Variants in DCDC1 observed in about 807,000 individuals in gnomAD.
DCDC1 encodes the protein doublecortin domain-containing protein 1.
DCDC1 carries 200 observed loss-of-function variants against 178.3 expected under a neutral mutation model. The observed-to-expected ratio is 1.12, with a 90% confidence interval of 1.00 to 1.26. DCDC1 has a LOEUF of 1.26. Ranked by LOEUF, DCDC1 falls within the 50% of genes most tolerant of loss-of-function variation. DCDC1 has a pLI of 0.00. For synonymous variants in DCDC1, 690 were observed against 604.8 expected (o/e 1.14, Z -2.07); for missense variants, 1,983 against 1,749.2 (o/e 1.13, Z -2.38).
intron 9 of DCDC1, among the ~76,000 whole-genome samples, chr11:31,228,474 T>A (rs1975303648): frequency 6.6e-6 from 1 of 152,002 alleles, no homozygotes; most frequent in African/African-American, 2.4e-5. Flanking sequence ...AAGGTCTAAA[T>A]CAATTATCTA....
At chr11:31,365,925 C>G (rs1156772554) in intron 1 of DCDC1, among the ~76,000 whole-genome samples, 2 of 152,128 alleles carry the variant, frequency 1.3e-5, no homozygotes, top group Admixed American at 1.3e-4. Context: ...GTCATTTGCT[C>G]TCTTTGGAAA....
chr11:31,348,609 TA>T (rs1950924426), intron 1 of DCDC1, among the ~76,000 whole-genome samples: 1 of 152,156 alleles, frequency 6.6e-6, no homozygotes, highest in African/African-American at 2.4e-5. Context: ...GGCATCCCCA[TA>T]CCACAGTGGA....
At chr11:31,097,409 T>G (rs1475815913) in intron 15 of DCDC1, among the ~76,000 whole-genome samples, 1 of 152,252 alleles carries the variant, frequency 6.6e-6, no homozygotes, top group East Asian at 1.9e-4. Flanking sequence ...AAAGAAATTT[T>G]ACATGATGTT....
intron 9 of DCDC1, among the ~76,000 whole-genome samples, chr11:31,213,291 T>C (rs1330793416): frequency 1.3e-5 from 2 of 151,720 alleles, no homozygotes; most frequent in Admixed American, 6.6e-5. Flanking sequence ...AAATGATCTT[T>C]TCAAATTTAG....
chr11:31,304,646 T>G (rs1225029628), intron 6 of DCDC1, among the ~76,000 whole-genome samples: 1 of 152,066 alleles, frequency 6.6e-6, no homozygotes. Flanking sequence ...AGAAGGGAGA[T>G]TTTTATCACC....
chr11:30,901,951 C>T (rs985583632), intron 32 of DCDC1, among the ~76,000 whole-genome samples: 1 of 151,776 alleles, frequency 6.6e-6, no homozygotes, highest in African/African-American at 2.4e-5. Context: ...TATATATGTG[C>T]GTGTGTGTAT....
intron 20 of DCDC1, among the ~76,000 whole-genome samples, chr11:30,981,533 T>C (rs1487732874): frequency 5.9e-5 from 9 of 152,208 alleles, no homozygotes; most frequent in Admixed American, 5.9e-4. Flanking sequence ...AATTTATATT[T>C]AATCTCAAAA....
At chr11:31,017,585 T>G (rs538834442) in intron 20 of DCDC1, among the ~76,000 whole-genome samples, 1 of 151,982 alleles carries the variant, frequency 6.6e-6, no homozygotes, top group Non-Finnish European at 1.5e-5. Flanking sequence ...ACTAAGTTAT[T>G]AATTTTTTTT....
chr11:31,323,016 G>A (rs893760961), intron 3 of DCDC1, among the ~76,000 whole-genome samples: 2 of 152,146 alleles, frequency 1.3e-5, no homozygotes, highest in East Asian at 3.9e-4. Context: ...TCAAAATAAG[G>A]TAAAATATAA....
intron 9 of DCDC1, among the ~76,000 whole-genome samples, chr11:31,206,910 T>G (rs1009316040): frequency 2.6e-5 from 4 of 152,230 alleles, no homozygotes; most frequent in Non-Finnish European, 4.4e-5. Flanking sequence ...GGTAATTTCA[T>G]AAAACATTAT....
intron 26 of DCDC1, 103 bp downstream of exon 26, chr11:30,916,767 A>C: frequency 8.1e-7 from 1 of 1,229,812 alleles, no homozygotes; most frequent in Non-Finnish European, 1.1e-6. Context: ...TGATAGAAAC[A>C]GCAGCTAACA....
At chr11:31,283,480 T>C (rs1248888494) in intron 7 of DCDC1, among the ~76,000 whole-genome samples, 2 of 152,160 alleles carry the variant, frequency 1.3e-5, no homozygotes, top group Non-Finnish European at 2.9e-5. Context: ...ATTCATGTTT[T>C]TTTTTAATAC....
intron 20 of DCDC1, among the ~76,000 whole-genome samples, chr11:31,023,959 T>C (rs1452285508): frequency 2.6e-5 from 4 of 152,022 alleles, no homozygotes; most frequent in Admixed American, 2.6e-4. Context: ...ATATTACCAA[T>C]TGTACCTAAA....
intron 9 of DCDC1, among the ~76,000 whole-genome samples, chr11:31,228,697 A>G (rs1378926982): frequency 6.6e-6 from 1 of 152,136 alleles, no homozygotes; most frequent in Non-Finnish European, 1.5e-5. Flanking sequence ...GAAATTGCCA[A>G]TATAAGGAAT....
chr11:31,172,972 G>A (rs1967448799), intron 9 of DCDC1, among the ~76,000 whole-genome samples: 1 of 152,084 alleles, frequency 6.6e-6, no homozygotes, highest in Non-Finnish European at 1.5e-5. Context: ...AAGAAATGAT[G>A]CACATATAAA....
intron 25 of DCDC1, among the ~76,000 whole-genome samples, chr11:30,919,230 G>A (rs1389365398): frequency 6.6e-6 from 1 of 152,076 alleles, no homozygotes; most frequent in East Asian, 1.9e-4. Flanking sequence ...ATAGGGCATA[G>A]TACAGAGAAA....
intron 1 of DCDC1, among the ~76,000 whole-genome samples, chr11:31,349,024 C>T (rs1466602532): frequency 1.5e-4 from 13 of 88,744 alleles, no homozygotes; most frequent in African/African-American, 6.8e-4. Context: ...AAAATAATAG[C>T]TTATTTTTTT....
At chr11:31,361,165 C>G (rs796390090) in intron 1 of DCDC1, among the ~76,000 whole-genome samples, 2 of 152,078 alleles carry the variant, frequency 1.3e-5, no homozygotes, top group African/African-American at 4.8e-5. Context: ...CAAACACATA[C>G]AATTGAATAT....
intron 20 of DCDC1, among the ~76,000 whole-genome samples, chr11:30,978,943 T>TATGTAC (rs1950249755): frequency 6.6e-6 from 1 of 152,168 alleles, no homozygotes; most frequent in African/African-American, 2.4e-5. Flanking sequence ...GCCTGGTTTA[T>TATGTAC]ATGTACATGT....
Sources: gnomAD v4.1 joint callset for allele counts (sites outside exome capture counted in the v4.1 genomes callset) on GRCh38, gnomAD v4.1.1 for gene constraint, MANE v1.5 for transcripts, NCBI Gene and HGNC (gene_info 2026-07-23, HGNC 2026-07-21) for gene names.